Variants in ITGA11 observed in about 807,000 individuals in gnomAD.
ITGA11 encodes integrin subunit alpha 11, also known as integrin alpha-11.
A neutral mutation model predicts 141.9 loss-of-function variants in ITGA11; 97 were observed. That is an observed-to-expected ratio of 0.68 (90% CI 0.58 to 0.81). The LOEUF is 0.81. Ranked by LOEUF, ITGA11 falls within the 30% of genes least tolerant of loss-of-function variation. ITGA11 has a pLI of 0.00. For synonymous variants in ITGA11, 658 were observed against 624.6 expected, an observed-to-expected ratio of 1.05 and a Z score of -0.80; for missense variants, 1,387 against 1,559.2, an observed-to-expected ratio of 0.89 and a Z score of 1.86.
In ITGA11 at chr15:68,317,254, C is replaced by A; in HGVS notation, c.2715+11G>T. 1 of 1,601,962 alleles carries A rather than the reference C, an allele frequency of 6.2e-7. No individual in the cohort carries two copies. Among genetic ancestry groups the A allele is most frequent in the Non-Finnish European group, 8.6e-7 (1 of 1,169,204 alleles). The stretch of plus-strand genomic sequence containing the variant: ...ACCCTGACCCTCCCCCACATTGTCC[C>A]CAGTCTCAACCTTGGCCTTGGCCCG... On this transcript the variant is annotated intron_variant, in intron 21 of 29. Transcript: ENST00000315757.
At chr15:68,360,776 C>T (rs1414469973) in intron 5 of ITGA11, among the ~76,000 whole-genome samples, 1 of 152,174 alleles carries the variant, frequency 6.6e-6, no homozygotes, top group Non-Finnish European at 1.5e-5. Context: ...TGAATAGAAT[C>T]CATGTCTCAT....
chr15:68,298,594 C>T lies in ITGA11; in HGVS notation c.*4465G>A, dbSNP rs1050329448. ...GGAGCTGTGATTGTGCCGCTGCACT[C>T]TAGCCTGGGTGACAGAGCAAGACCC... On this transcript the variant is annotated 3_prime_UTR_variant, in exon 30 of 30. Coordinates refer to ENST00000315757, the MANE Select transcript of ITGA11 (RefSeq NM_001004439.2). 8 of 152,146 alleles carry T rather than the reference C, an allele frequency of 5.3e-5. No homozygotes were observed. The highest frequency in any genetic ancestry group is 1.7e-4 in the African/African-American group (7 of 41,410). 9.4% of individuals were successfully genotyped at this position (152,146 alleles called of 1,614,324 possible).
intron 4 of ITGA11, 32 bp from the exon 5 acceptor site, chr15:68,361,736 G>A (rs2140348858): frequency 6.8e-7 from 1 of 1,471,446 alleles, no homozygotes; most frequent in East Asian, 2.4e-5. Context: ...CCCAGTCAGT[G>A]AGGGGACCTC....
chr15:68,372,814 G>T (rs1421209424), intron 2 of ITGA11, among the ~76,000 whole-genome samples: 1 of 152,100 alleles, frequency 6.6e-6, no homozygotes, highest in African/African-American at 2.4e-5. Context: ...GCTCTTTGGG[G>T]ACTCATCCTG....
chr15:68,400,686 TTATATTA>T (rs1304935250), intron 2 of ITGA11, among the ~76,000 whole-genome samples: 2 of 47,434 alleles, frequency 4.2e-5, no homozygotes, highest in Non-Finnish European at 6.7e-5. Flanking sequence ...ATAATAAATA[TTATATTA>T]TATATTATAT....
At position 68,406,267 on chromosome 15, in the gene ITGA11, C is replaced by T. The variant is rs977882860; in HGVS notation, c.53-3238G>A. Among the ~76,000 whole-genome samples, 6 of 152,148 alleles carry T rather than the reference C, an allele frequency of 3.9e-5. No individual in the cohort carries two copies. In the East Asian group the frequency reaches 9.6e-4, roughly 24 times the overall value. On this transcript the variant is annotated intron_variant, in intron 1 of 29. Transcript: ENST00000315757. ...TCCCCTGTATCAATGAGTTTTCCAC[C>T]CCATCAAAGCCAAGGCCAAACTCCT... is the stretch of plus-strand genomic sequence containing the variant.
intron 1 of ITGA11, among the ~76,000 whole-genome samples, chr15:68,427,438 T>C (rs932371749): frequency 1.3e-5 from 2 of 152,158 alleles, no homozygotes; most frequent in African/African-American, 4.8e-5. Context: ...AGAAAGGATT[T>C]GCATCCGGGC....
At chr15:68,385,577 A>C (rs759698069) in intron 2 of ITGA11, among the ~76,000 whole-genome samples, 11 of 152,266 alleles carry the variant, frequency 7.2e-5, no homozygotes, top group Non-Finnish European at 1.2e-4. Context: ...CCACTGTAAA[A>C]GGATGGATGC....
In ITGA11 at chr15:68,425,879, C is replaced by T. The variant is rs1243973494; in HGVS notation, c.52+6136G>A. On this transcript the variant is annotated intron_variant, in intron 1 of 29. Transcript: ENST00000315757. Reference sequence around the variant, plus strand: ...AGCTGCGCAGGCAGGAACCCCTTCTCTGTGTCATCCTGTTTGGAAGCCCGG... The same window carrying T: ...AGCTGCGCAGGCAGGAACCCCTTCTTTGTGTCATCCTGTTTGGAAGCCCGG... Among the ~76,000 whole-genome samples the T allele has an allele frequency of 2.0e-5, 3 of 152,372 alleles. No homozygotes were observed. The East Asian group carries it at 5.8e-4, about 29-fold the overall frequency.
rs558522857 is a variant in ITGA11 at position 68,349,405 on chromosome 15, C to T, written c.1061-505G>A. On this transcript the variant is annotated intron_variant, in intron 9 of 29. Coordinates refer to ENST00000315757, the MANE Select transcript of ITGA11 (RefSeq NM_001004439.2). ...ATTTGCGTAAGAAATCCCATGAGTG[C>T]TGAAAGCCTCTCCCCACAGAGGGAC... is the stretch of plus-strand genomic sequence containing the variant. 3.5e-4 allele frequency among the ~76,000 whole-genome samples: 53 copies of T among 152,326 alleles called. 1 individual carries two copies. Among genetic ancestry groups the T allele is most frequent in the Admixed American group, 3.1e-3 (47 of 15,302 alleles).
In ITGA11 at chr15:68,313,945, G is replaced by A. The variant is rs1893484478; in HGVS notation, c.2793-77C>T. 9 of 1,145,896 alleles carry A rather than the reference G, an allele frequency of 7.9e-6. No individual in the cohort carries two copies. In the East Asian group the frequency reaches 1.9e-4, roughly 24 times the overall value. 71.0% of individuals were successfully genotyped at this position (1,145,896 alleles called of 1,614,324 possible). On this transcript the variant is annotated intron_variant, in intron 22 of 29. Coordinates refer to ENST00000315757, the MANE Select transcript of ITGA11 (RefSeq NM_001004439.2). Reference sequence around the variant, plus strand: ...CAGCGGGAAGGGTCTGAGGCAGACTGTGGAAGGAGCACACTGGCTTATCTG... The same window carrying A: ...CAGCGGGAAGGGTCTGAGGCAGACTATGGAAGGAGCACACTGGCTTATCTG...
chr15:68,379,596 C>T (rs1438301523), intron 2 of ITGA11, among the ~76,000 whole-genome samples: 2 of 152,214 alleles, frequency 1.3e-5, no homozygotes, highest in Admixed American at 6.5e-5. Flanking sequence ...GTCCCATCTG[C>T]AGGTGGACAA....
chr15:68,403,847 G>A (rs78003321), intron 1 of ITGA11, among the ~76,000 whole-genome samples: 74 of 151,938 alleles, frequency 4.9e-4, no homozygotes, highest in Non-Finnish European at 7.4e-4. Context: ...CATGTTGGCC[G>A]GGTTCCTGTT....
rs548702036 is a variant in ITGA11 at position 68,309,810 on chromosome 15, C to G, written c.3174+1184G>C. 2.0e-5 allele frequency among the ~76,000 whole-genome samples: 3 copies of G among 152,208 alleles called. No individual in the cohort carries two copies. The East Asian group carries it at 5.8e-4, about 29-fold the overall frequency. ...TTCACTATGCTGGCCAGGCTGGTCT[C>G]GAGCTCCTGACCTCAAGCTCCTGAC... On this transcript the variant is annotated intron_variant, in intron 26 of 29. Coordinates refer to ENST00000315757, the MANE Select transcript of ITGA11 (RefSeq NM_001004439.2).
Position 68,308,548 on chromosome 15 carries a change from T to C in ITGA11, c.3175-852A>G, listed in dbSNP as rs971261752. ...CAAGGTCAGGAGATCGAGACCATCCTGGCTAACACAGTGAAACCCCGTCTC... is the reference window on the plus strand; with the variant it reads ...CAAGGTCAGGAGATCGAGACCATCCCGGCTAACACAGTGAAACCCCGTCTC... On this transcript the variant is annotated intron_variant, in intron 26 of 29. Transcript: ENST00000315757. The surrounding 1 kb of genome is among the most constrained non-coding windows in gnomAD (Gnocchi z 5.2). 2.2e-4 allele frequency among the ~76,000 whole-genome samples: 33 copies of C among 152,128 alleles called. No individual in the cohort carries two copies. Among genetic ancestry groups the C allele is most frequent in the Non-Finnish European group, 7.4e-5 (5 of 68,026 alleles).
At chr15:68,379,667 C>T (rs373174884) in intron 2 of ITGA11, among the ~76,000 whole-genome samples, 7 of 152,198 alleles carry the variant, frequency 4.6e-5, no homozygotes, top group South Asian at 2.1e-4. Context: ...CTGTTCTCCC[C>T]GCAGAGAGGC....
chr15:68,365,002 C>G (rs1312543462), intron 3 of ITGA11: 9 of 347,264 alleles, frequency 2.6e-5, no homozygotes, highest in Non-Finnish European at 3.0e-5. Context: ...AACCGAGTCT[C>G]AGAGAGGCCA....
intron 24 of ITGA11, among the ~76,000 whole-genome samples, chr15:68,311,678 G>C (rs1037631554): frequency 6.6e-6 from 1 of 152,136 alleles, no homozygotes; most frequent in Non-Finnish European, 1.5e-5. Context: ...CGGAGAGCAG[G>C]GGCCACCTGC....
chr15:68,397,577 TATATTTAAAATATTATAAA>T (rs1231919339), intron 2 of ITGA11, among the ~76,000 whole-genome samples: 96 of 9,232 alleles, frequency 0.01, 3 homozygotes, highest in East Asian at 0.047. Context: ...TTTAAAATAT[TATATTTAAAATATTATAAA>T]ATATTTAAAA....
Sources: gnomAD v4.1 joint callset for allele counts (sites outside exome capture counted in the v4.1 genomes callset) on GRCh38, gnomAD v4.1.1 for gene constraint, Gnocchi (gnomAD v3.1) non-coding constraint, MANE v1.5 for transcripts, NCBI Gene and HGNC (gene_info 2026-07-23, HGNC 2026-07-21) for gene names.